PSMA6: variants seen among roughly 807,000 people sequenced by gnomAD.
PSMA6 encodes proteasome subunit alpha type-6.
For missense variants in PSMA6, 170 were observed against 294.8 expected, an observed-to-expected ratio of 0.58 and a Z score of 3.10; for synonymous variants, 88 against 97.7, an observed-to-expected ratio of 0.90 and a Z score of 0.59.
intron 1 of PSMA6, among the ~76,000 whole-genome samples, chr14:35,303,024 C>T (rs921532796): frequency 3.9e-5 from 6 of 152,112 alleles, no homozygotes; most frequent in East Asian, 1.9e-4. Flanking sequence ...CACAATATTC[C>T]TGGTTTTTGT....
chr14:35,285,619 A>G (rs1296496779), intron 1 of PSMA6, among the ~76,000 whole-genome samples: 1 of 152,194 alleles, frequency 6.6e-6, no homozygotes, highest in Non-Finnish European at 1.5e-5. Flanking sequence ...TCTCTAGGCT[A>G]AAGGGAAGGC....
rs2051914701 is a variant in PSMA6, at chr14:35,310,177, T to TTC, written c.254-556_254-555dup. 3 of 395,808 alleles carry TTC rather than the reference T, an allele frequency of 7.6e-6. No individual in the cohort carries two copies. In the East Asian group the frequency reaches 2.4e-4, roughly 32 times the overall value. The allele number at this position is 395,808 out of a possible 1,614,324, so 24.5% of individuals were successfully genotyped here. The stretch of plus-strand genomic sequence containing the variant: ...TAAAAACAAAGATTAAGAAAGATTA[T>TTC]TCTCTCTCAAGGCCTTTTTTTTTTT... On this transcript the variant is annotated intron_variant, in intron 3 of 6. Transcript: ENST00000261479.
chr14:35,292,606 T>G (rs2051506303), intron 1 of PSMA6, 54 bp downstream of exon 1: 1 of 1,591,880 alleles, frequency 6.3e-7, no homozygotes, highest in Non-Finnish European at 8.6e-7. Flanking sequence ...TCATGGTACG[T>G]GCCTGGAGCG....
chr14:35,306,520 A>G (rs2051830863), intron 1 of PSMA6, among the ~76,000 whole-genome samples: 1 of 151,860 alleles, frequency 6.6e-6, no homozygotes, highest in Non-Finnish European at 1.5e-5. Flanking sequence ...CCTAGTCAAC[A>G]TGGTGAAACC....
intron 1 of PSMA6, among the ~76,000 whole-genome samples, chr14:35,279,479 G>A (rs2051342302): frequency 6.6e-6 from 1 of 152,218 alleles, no homozygotes; most frequent in African/African-American, 2.4e-5. Flanking sequence ...GGCTTGCTTT[G>A]TTCAGAAGGA....
At chr14:35,315,819 G>C (rs1024215087) in intron 6 of PSMA6, 2 of 151,368 alleles carry the variant, frequency 1.3e-5, no homozygotes, top group South Asian at 2.1e-4. Flanking sequence ...CTTTAAAATT[G>C]TATTTGTTAT....
intron 5 of PSMA6, chr14:35,313,418 C>T (rs977482858): frequency 6.1e-6 from 1 of 164,868 alleles, no homozygotes; most frequent in African/African-American, 2.4e-5. Context: ...TATTTACTGC[C>T]AAGAAATTAA....
intron 3 of PSMA6, chr14:35,310,266 C>A (rs559327305): frequency 2.4e-6 from 1 of 425,282 alleles, no homozygotes; most frequent in Non-Finnish European, 4.6e-6. Flanking sequence ...AAGCAATTCT[C>A]GTGCCTCAAC....
chr14:35,292,466 C>T lies in PSMA6; in HGVS notation c.-11C>T, dbSNP rs765358680. 11 of 1,612,790 alleles carry T rather than the reference C, an allele frequency of 6.8e-6. No homozygotes were observed. Among genetic ancestry groups the T allele is most frequent in the Non-Finnish European group, 9.3e-6 (11 of 1,179,332 alleles). On this transcript the variant is annotated 5_prime_UTR_variant, in exon 1 of 7. Coordinates refer to ENST00000261479, the MANE Select transcript of PSMA6 (RefSeq NM_002791.3). The stretch of plus-strand genomic sequence containing the variant: ...CCCAGGGATTGTGTTTAAAGTAGTG[C>T]TTCTACCAACATGTCCCGTGGTTCC...
At chr14:35,312,716 C>A in intron 4 of PSMA6, 165 bp from the exon 5 acceptor site, 1 of 506,146 alleles carries the variant, frequency 2.0e-6, no homozygotes. Context: ...ACCTAATTTA[C>A]CTGTGGTGAT....
At chr14:35,313,097 T>TA (rs2051976065) in intron 5 of PSMA6, 38 bp downstream of exon 5, 1 of 1,485,548 alleles carries the variant, frequency 6.7e-7, no homozygotes, top group Non-Finnish European at 9.0e-7. Flanking sequence ...TTTTATGCTA[T>TA]ATAGAACAGT....
chr14:35,317,443 A>G lies in PSMA6; in HGVS notation c.*137A>G, dbSNP rs2052065396. The stretch of plus-strand genomic sequence containing the variant: ...CTACCACCGAAGTGGTTAGGACTCT[A>G]TATAAATAAAAACAAGGCTTTTGGA... On this transcript the variant is annotated 3_prime_UTR_variant, in exon 7 of 7. Coordinates refer to ENST00000261479, the MANE Select transcript of PSMA6 (RefSeq NM_002791.3). 4.4e-6 allele frequency: 3 copies of G among 675,738 alleles called. No individual in the cohort carries two copies. Among genetic ancestry groups the G allele is most frequent in the Admixed American group, 2.6e-5 (1 of 38,200 alleles). 41.9% of individuals were successfully genotyped at this position (675,738 alleles called of 1,614,324 possible). A position where few individuals can be genotyped will look rare whatever the true frequency, so the allele number is the denominator to read the frequency against.
chr14:35,302,276 T>C (rs2051728893), intron 1 of PSMA6, among the ~76,000 whole-genome samples: 1 of 152,194 alleles, frequency 6.6e-6, no homozygotes, highest in Non-Finnish European at 1.5e-5. Context: ...TTGTCCAGGC[T>C]GGTCTTAAAC....
Position 35,279,549 on chromosome 14 carries a change from G to A in PSMA6, c.19+831G>A, listed in dbSNP as rs558984610. On this transcript the variant is annotated intron_variant, in intron 1 of 6. Transcript: ENST00000540871. Reference sequence around the variant, plus strand: ...GCTGTTGGCTCAAATTAAGGGTCACGTCCTTTGGCACTTAGCGCTATTCTG... The same window carrying A: ...GCTGTTGGCTCAAATTAAGGGTCACATCCTTTGGCACTTAGCGCTATTCTG... Among the ~76,000 whole-genome samples the A allele has an allele frequency of 1.4e-4, 21 of 152,268 alleles. 1 individual carries two copies. In the South Asian group the frequency reaches 3.5e-3, roughly 26 times the overall value.
chr14:35,309,776 A>G (rs1369359861), intron 3 of PSMA6, among the ~76,000 whole-genome samples: 1 of 152,172 alleles, frequency 6.6e-6, no homozygotes, highest in Non-Finnish European at 1.5e-5. Flanking sequence ...AGCCTCGGCA[A>G]CAGAGTGAGA....
At chr14:35,291,406 G>A (rs1395892391), upstream of PSMA6, among the ~76,000 whole-genome samples, 2 of 152,026 alleles carry the variant, frequency 1.3e-5, no homozygotes, top group African/African-American at 4.8e-5. Flanking sequence ...TTTTTTAGTA[G>A]AGACGGGGTT....
chr14:35,311,577 A>G (rs1482915920), intron 4 of PSMA6, among the ~76,000 whole-genome samples: 1 of 152,190 alleles, frequency 6.6e-6, no homozygotes, highest in African/African-American at 2.4e-5. Context: ...TGTTTCCCCA[A>G]GCAGTAAGTG....
intron 1 of PSMA6, among the ~76,000 whole-genome samples, chr14:35,303,376 C>T (rs1008525246): frequency 6.6e-6 from 1 of 152,112 alleles, no homozygotes; most frequent in Admixed American, 6.6e-5. Context: ...CTCTCTAGTG[C>T]TCTGGTTTCT....
intron 1 of PSMA6, among the ~76,000 whole-genome samples, chr14:35,293,919 C>T (rs2051533165): frequency 6.6e-6 from 1 of 152,336 alleles, no homozygotes; most frequent in South Asian, 2.1e-4. Context: ...AAAGCATAAT[C>T]GTTAATGCTT....
Sources: allele counts gnomAD v4.1 joint callset (sites outside exome capture counted in the v4.1 genomes callset), GRCh38; gene constraint gnomAD v4.1.1; transcripts MANE v1.5; gene names NCBI Gene and HGNC (gene_info 2026-07-23, HGNC 2026-07-21).